The following DNAJC17 variants were observed in gnomAD, a reference collection of about 807,000 sequenced individuals.
The protein encoded by DNAJC17 is DnaJ heat shock protein family (Hsp40) member C17, also known as dnaJ homolog subfamily C member 17.
Under a neutral mutation model 48.1 loss-of-function variants are expected in DNAJC17, and 35 were observed. The ratio of observed to expected loss-of-function variants is 0.73; its 90% confidence interval spans 0.56 to 0.96. The LOEUF is 0.96. Ranked by LOEUF, DNAJC17 falls within the 50% of genes least tolerant of loss-of-function variation. The pLI is 0.00. For missense variants in DNAJC17, 355 were observed against 377.1 expected (o/e 0.94, Z 0.48); for synonymous variants, 117 against 142.7 (o/e 0.82, Z 1.28).
chr15:40,798,994 C>T (rs1303214348), intron 1 of DNAJC17, among the ~76,000 whole-genome samples: 8 of 151,786 alleles, frequency 5.3e-5, no homozygotes, highest in Admixed American at 6.6e-5. Context: ...CTGAGGCGGG[C>T]GGATCACGAG....
chr15:40,774,316 C>T, intron 9 of DNAJC17, 40 bp downstream of exon 9: 1 of 1,608,786 alleles, frequency 6.2e-7, no homozygotes, highest in Non-Finnish European at 8.5e-7. Context: ...CCTAGAATGA[C>T]AGGGCCACGA....
At position 40,776,589 on chromosome 15, in the gene DNAJC17, TCTCCTGGGCCTGGGCCTGCCG is replaced by T; in HGVS notation, c.313_333del (p.Arg105_Glu111del). 6.2e-7 allele frequency: 1 copy of T among 1,613,828 alleles called. No homozygotes were observed. The highest frequency in any genetic ancestry group is 8.5e-7 in the Non-Finnish European group (1 of 1,179,956). On this transcript the variant is annotated inframe_deletion, in exon 5 of 11. Transcript: ENST00000220496. ...CTCCGGCTCTCCTCTTCCTCCTCAC[TCTCCTGGGCCTGGGCCTGCCG>T]CTCCCGGGCCTCCAGGTCTAGACAC... is the stretch of plus-strand genomic sequence containing the variant.
At chr15:40,772,880 G>A (rs1327772228) in intron 10 of DNAJC17, among the ~76,000 whole-genome samples, 1 of 152,208 alleles carries the variant, frequency 6.6e-6, no homozygotes, top group Non-Finnish European at 1.5e-5. Flanking sequence ...CAAGCTGGAA[G>A]GTCTACGCTT....
chr15:40,779,292 T>C lies in DNAJC17; in HGVS notation c.226A>G (p.Arg76Gly). ...AAARAAYDKV[R>G]KAKKQAAERT... ...TCTGCTGCTTGCTTCTTGGCTTTCCTGACCTTGTCATATGCAGCCTGGCAG... is the reference window on the plus strand; with the variant it reads ...TCTGCTGCTTGCTTCTTGGCTTTCCCGACCTTGTCATATGCAGCCTGGCAG... Residue 76 changes from arginine to glycine, a missense_variant, in exon 4 of 11, where the codon AGG becomes GGG. Physicochemically the swap from Arg to Gly is moderately radical, Grantham distance 125 (BLOSUM62 -2). Coordinates refer to ENST00000220496, the MANE Select transcript of DNAJC17 (RefSeq NM_018163.3). The C allele has an allele frequency of 6.2e-7, 1 of 1,614,094 alleles. No individual in the cohort carries two copies. Among genetic ancestry groups the C allele is most frequent in the South Asian group, 1.1e-5 (1 of 91,066 alleles).
intron 1 of DNAJC17, chr15:40,807,165 C>T (rs1410123291): frequency 7.6e-7 from 1 of 1,316,838 alleles, no homozygotes; most frequent in South Asian, 1.5e-5. Context: ...CGCGAAGAGC[C>T]CTCTGTACCC....
chr15:40,780,297 C>T, intron 1 of DNAJC17: 2 of 557,682 alleles, frequency 3.6e-6, no homozygotes, highest in Non-Finnish European at 6.8e-6. Flanking sequence ...TCGACAGCCA[C>T]TCGAAGACAG....
chr15:40,780,739 A>G (rs568508502), intron 1 of DNAJC17, among the ~76,000 whole-genome samples: 28 of 151,320 alleles, frequency 1.9e-4, no homozygotes, highest in Admixed American at 1.6e-3. Context: ...GCTTGAACCG[A>G]GGAGGCGGAG....
At chr15:40,805,990 CGA>C (rs894054999) in intron 1 of DNAJC17, among the ~76,000 whole-genome samples, 15 of 151,884 alleles carry the variant, frequency 9.9e-5, no homozygotes, top group Admixed American at 9.8e-4. Flanking sequence ...TATTGAAACA[CGA>C]GAGAGGTGGA....
At chr15:40,797,279 A>G (rs181457953) in intron 1 of DNAJC17, among the ~76,000 whole-genome samples, 2 of 152,298 alleles carry the variant, frequency 1.3e-5, no homozygotes, top group East Asian at 3.9e-4. Context: ...CTGAAGTGGG[A>G]CGACTGCTTG....
intron 9 of DNAJC17, among the ~76,000 whole-genome samples, chr15:40,774,045 G>T (rs1300369274): frequency 2.6e-5 from 4 of 152,206 alleles, no homozygotes; most frequent in Admixed American, 6.5e-5. Context: ...GAGGCGAGGA[G>T]CACAAAGGGT....
chr15:40,798,488 AAAAT>A (rs1389267202), intron 1 of DNAJC17, among the ~76,000 whole-genome samples: 2 of 152,232 alleles, frequency 1.3e-5, no homozygotes, highest in African/African-American at 4.8e-5. Flanking sequence ...AAAAAGGATT[AAAAT>A]GGTAAGCAGT....
chr15:40,788,986 C>T (rs1003098723), intron 1 of DNAJC17, among the ~76,000 whole-genome samples: 2 of 152,212 alleles, frequency 1.3e-5, no homozygotes, highest in African/African-American at 4.8e-5. Flanking sequence ...AATGCCTGGG[C>T]ACTGTACAAC....
intron 2 of DNAJC17, 129 bp from the exon 3 acceptor site, chr15:40,779,732 C>T: frequency 2.5e-6 from 3 of 1,188,234 alleles, no homozygotes; most frequent in Non-Finnish European, 3.6e-6. Flanking sequence ...CAGCAGATGA[C>T]AGACCAACAA....
Position 40,804,522 on chromosome 15 carries a change from G to C in DNAJC17, c.78+2847C>G, listed in dbSNP as rs143101223. On this transcript the variant is annotated intron_variant, in intron 1 of 10. Coordinates refer to ENST00000220496, the MANE Select transcript of DNAJC17 (RefSeq NM_018163.3). The stretch of plus-strand genomic sequence containing the variant: ...GCTGAGGTGGGATCACTTGAGCCCA[G>C]GAAGTCGAGGCTGCAGTGAGCTGTG... 2.6e-3 allele frequency among the ~76,000 whole-genome samples: 397 copies of C among 152,208 alleles called. 7 individuals are homozygous for C. The South Asian group carries it at 0.046, about 18-fold the overall frequency.
intron 1 of DNAJC17, among the ~76,000 whole-genome samples, chr15:40,803,734 C>A (rs1890130810): frequency 6.7e-6 from 1 of 150,204 alleles, no homozygotes; most frequent in South Asian, 2.1e-4. Context: ...CACCATGTCT[C>A]CCTTGTATGC....
chr15:40,790,336 G>A (rs564272421), intron 1 of DNAJC17, among the ~76,000 whole-genome samples: 1 of 152,316 alleles, frequency 6.6e-6, no homozygotes, highest in South Asian at 2.1e-4. Flanking sequence ...CACTTTGGGA[G>A]GCTGAGGCGG....
chr15:40,799,179 C>T (rs942834781), intron 1 of DNAJC17, among the ~76,000 whole-genome samples: 1 of 142,770 alleles, frequency 7.0e-6, no homozygotes, highest in Non-Finnish European at 1.5e-5. Context: ...GAGCCGAGAT[C>T]GTGCCACTGC....
rs1889114559 is a variant in DNAJC17 at position 40,770,804 on chromosome 15, A to G, written c.793-2742T>C. On this transcript the variant is annotated intron_variant, in intron 10 of 10. Coordinates refer to ENST00000220496, the MANE Select transcript of DNAJC17 (RefSeq NM_018163.3). The surrounding 1 kb of genome is among the most constrained non-coding windows in gnomAD (Gnocchi z 5.0). ...TCCTGGAGCCCCCACCTGCCTACAC[A>G]GCAGCCTACTCTGCCACCCTGCCAT... The G allele has an allele frequency of 6.5e-7, 1 of 1,549,802 alleles. No homozygotes were observed.
chr15:40,779,836 C>T (rs538611132), intron 2 of DNAJC17, 92 bp downstream of exon 2: 9 of 1,408,310 alleles, frequency 6.4e-6, no homozygotes, highest in African/African-American at 5.6e-5. Flanking sequence ...TGTGCTTACA[C>T]CCCACAGCAC....
Sources: allele counts gnomAD v4.1 joint callset (sites outside exome capture counted in the v4.1 genomes callset), GRCh38; gene constraint gnomAD v4.1.1; non-coding constraint Gnocchi (gnomAD v3.1); transcripts MANE v1.5; gene names NCBI Gene and HGNC (gene_info 2026-07-23, HGNC 2026-07-21).